Variants in AGO2 observed in about 807,000 individuals in gnomAD.
AGO2 encodes the protein argonaute RISC catalytic component 2.
Under a neutral mutation model 102.3 loss-of-function variants are expected in AGO2, and 5 were observed. That is an observed-to-expected ratio of 0.05 (90% CI 0.03 to 0.10). The LOEUF (loss-of-function observed/expected upper bound fraction) is 0.10. AGO2 is among the 10% of genes least tolerant of loss of function. AGO2 has a pLI of 1.00. For synonymous variants in AGO2, 449 were observed against 473.1 expected, an observed-to-expected ratio of 0.95 and a Z score of 0.66; for missense variants, 541 against 1,183.7, an observed-to-expected ratio of 0.46 and a Z score of 7.97.
chr8:140,531,234 A>G lies in AGO2; in HGVS notation c.*810T>C, dbSNP rs1408613777. The G allele has an allele frequency of 1.3e-5, 2 of 152,662 alleles. No individual in the cohort carries two copies. The highest frequency in any genetic ancestry group is 2.9e-5 in the Non-Finnish European group (2 of 68,056). The allele number at this position is 152,662 out of a possible 1,614,324, so 9.5% of individuals were successfully genotyped here. A position where few individuals can be genotyped will look rare whatever the true frequency, so the allele number is the denominator to read the frequency against. ...TAACAGTGAAAAAGGATTGTACTGT[A>G]TTTATCACCACAGACCCGTATTCTT... is the stretch of plus-strand genomic sequence containing the variant. On this transcript the variant is annotated 3_prime_UTR_variant, in exon 19 of 19. Transcript: ENST00000220592.
chr8:140,605,840 G>A (rs1253105303), intron 1 of AGO2: 3 of 152,230 alleles, frequency 2.0e-5, no homozygotes, highest in African/African-American at 7.2e-5. Context: ...AGGTGAGAAT[G>A]GGACTGTAAC....
chr8:140,544,250 G>C lies in AGO2; in HGVS notation c.1802C>G (p.Pro601Arg). 6.3e-7 allele frequency: 1 copy of C among 1,597,770 alleles called. No homozygotes were observed. ...VIFLGADVTH[P>R]PAGDGKKPSI... ...GGGCTTCTTCCCATCCCCGGCGGGG[G>C]GGTGAGTGACGTCTGCTCCCAGAAA... The change falls in exon 14 of 19, where the codon CCC becomes CGC. Residue 601 changes from proline to arginine, a missense_variant. By Grantham distance (103) the Pro-to-Arg change is moderately radical. Around this residue, in one of 6 missense-constraint regions of AGO2, gnomAD observed 309 missense variants for 735.1 expected, o/e 0.42. Coordinates refer to ENST00000220592, the MANE Select transcript of AGO2 (RefSeq NM_012154.5).
rs527837162 is a variant in AGO2, at chr8:140,543,514, G to A, written c.1839+699C>T. ...TTTGTTGGCCAGGCTGGAGTGCAGC[G>A]GCGCAATCTCTTCTCACTGCAGCCT... On this transcript the variant is annotated intron_variant, in intron 14 of 18. Transcript: ENST00000220592. 3.7e-4 allele frequency among the ~76,000 whole-genome samples: 57 copies of A among 152,136 alleles called. No individual in the cohort carries two copies. In the South Asian group the frequency reaches 0.011, roughly 29 times the overall value.
intron 2 of AGO2, among the ~76,000 whole-genome samples, chr8:140,576,655 C>G (rs781476818): frequency 6.6e-6 from 1 of 152,156 alleles, no homozygotes; most frequent in South Asian, 2.1e-4. Flanking sequence ...CTCTCTTCTA[C>G]GAGGCTGATG....
chr8:140,595,841 ATAT>A (rs1381349399), intron 1 of AGO2, among the ~76,000 whole-genome samples: 60,705 of 111,542 alleles, frequency 0.54, 18,325 homozygotes, highest in African/African-American at 0.62. Context: ...ATACAATTGT[ATAT>A]ATTATATTTA....
the AGO2 span, among the ~76,000 whole-genome samples, chr8:140,641,325 C>T: frequency 6.7e-5 from 10 of 150,162 alleles, no homozygotes; most frequent in African/African-American, 2.3e-4. Flanking sequence ...CACACACACA[C>T]ACACACACAC....
chr8:140,559,902 G>A (rs573900802), intron 5 of AGO2, among the ~76,000 whole-genome samples: 4 of 152,316 alleles, frequency 2.6e-5, no homozygotes, highest in African/African-American at 9.6e-5. Flanking sequence ...AACTGAGCAA[G>A]ATCAAATTCT....
intron 1 of AGO2, among the ~76,000 whole-genome samples, chr8:140,609,919 C>T (rs566669766): frequency 1.7e-3 from 262 of 151,402 alleles, no homozygotes; most frequent in Non-Finnish European, 3.1e-3. Context: ...ATCGACCAGG[C>T]ATGGGGGCTC....
chr8:140,556,144 C>G, intron 9 of AGO2, 23 bp downstream of exon 9: 2 of 1,613,886 alleles, frequency 1.2e-6, no homozygotes, highest in Non-Finnish European at 1.7e-6. Context: ...CACAGGGCAG[C>G]CCTGCCCGGG....
At chr8:140,595,040 G>A (rs2073805354) in intron 1 of AGO2, among the ~76,000 whole-genome samples, 1 of 152,198 alleles carries the variant, frequency 6.6e-6, no homozygotes, top group African/African-American at 2.4e-5. Flanking sequence ...CATGTGGGGA[G>A]ATTTCAAGCT....
intron 14 of AGO2, among the ~76,000 whole-genome samples, chr8:140,543,421 T>G (rs995837042): frequency 6.6e-6 from 1 of 152,240 alleles, no homozygotes; most frequent in Non-Finnish European, 1.5e-5. Flanking sequence ...TCTTGCTCCA[T>G]ATTCTCTCCC....
chr8:140,626,427 A>C (rs2074278171), intron 1 of AGO2: 1 of 152,248 alleles, frequency 6.6e-6, no homozygotes, highest in South Asian at 2.1e-4. Context: ...TGCCAGGCAG[A>C]GTAACGCCCC....
At chr8:140,556,955 C>T (rs1002125512) in intron 8 of AGO2, 134 bp downstream of exon 8, 16 of 1,310,906 alleles carry the variant, frequency 1.2e-5, no homozygotes, top group African/African-American at 5.9e-5. Flanking sequence ...TTAACCCACC[C>T]GCATTCCTGC....
upstream of AGO2, among the ~76,000 whole-genome samples, chr8:140,635,849 G>A (rs1227137326): frequency 6.9e-6 from 1 of 145,420 alleles, no homozygotes; most frequent in Non-Finnish European, 1.5e-5. Context: ...CCCGGGGAGG[G>A]GCCCGGAGAC....
At position 140,589,312 on chromosome 8, in the gene AGO2, G is replaced by C. The variant is rs1412927535; in HGVS notation, c.23-4001C>G. ...AGAAATTCAGAGTCATTAAATAAATGAATAGCCCAGCTCTTCCGTGAAGCC... is the reference window on the plus strand; with the variant it reads ...AGAAATTCAGAGTCATTAAATAAATCAATAGCCCAGCTCTTCCGTGAAGCC... On this transcript the variant is annotated intron_variant, in intron 1 of 18. Transcript: ENST00000220592. The surrounding 1 kb of genome is among the most constrained non-coding windows in gnomAD (Gnocchi z 4.2). 2.0e-5 allele frequency among the ~76,000 whole-genome samples: 3 copies of C among 152,164 alleles called. No homozygotes were observed. Among genetic ancestry groups the C allele is most frequent in the Non-Finnish European group, 4.4e-5 (3 of 68,012 alleles).
intron 1 of AGO2, among the ~76,000 whole-genome samples, chr8:140,612,102 C>T (rs867419526): frequency 2.0e-5 from 3 of 151,554 alleles, no homozygotes; most frequent in South Asian, 2.1e-4. Context: ...GGGCGCCTGT[C>T]GTCCCAGCTA....
rs2072417096 is a variant in AGO2, at chr8:140,521,598, T to C, written c.*10446A>G. ...AAGTCTAGAATTGTAAACTGCCAAA[T>C]ATAAAAGCATGGTAAGTCATCAACC... On this transcript the variant is annotated 3_prime_UTR_variant, in exon 19 of 19. Transcript: ENST00000220592. 5 of 152,308 alleles carry C rather than the reference T, an allele frequency of 3.3e-5. No homozygotes were observed. The South Asian group carries it at 1.0e-3, about 32-fold the overall frequency. The allele number at this position is 152,308 out of a possible 1,614,324, so 9.4% of individuals were successfully genotyped here. A position where few individuals can be genotyped will look rare whatever the true frequency, so the allele number is the denominator to read the frequency against.
intron 10 of AGO2, among the ~76,000 whole-genome samples, chr8:140,554,730 C>T (rs964046097): frequency 3.3e-5 from 5 of 152,112 alleles, no homozygotes; most frequent in Non-Finnish European, 7.4e-5. Flanking sequence ...CTTGCTCTTT[C>T]GCCCAGGCTT....
chr8:140,556,110 T>G, intron 9 of AGO2, 57 bp downstream of exon 9: 7 of 1,611,424 alleles, frequency 4.3e-6, no homozygotes, highest in Non-Finnish European at 5.9e-6. Context: ...GAGGTTTCTG[T>G]GCCAGGGCAA....
Sources: gnomAD v4.1 joint callset for allele counts (sites outside exome capture counted in the v4.1 genomes callset) on GRCh38, gnomAD v4.1.1 for gene constraint, gnomAD v4.1.1 regional missense constraint, Gnocchi (gnomAD v3.1) non-coding constraint, MANE v1.5 for transcripts, NCBI Gene and HGNC (gene_info 2026-07-23, HGNC 2026-07-21) for gene names.